The following AURKC variants were observed in gnomAD, a reference collection of about 807,000 sequenced individuals.
The protein encoded by AURKC is aurora kinase C, also known as ARK-3.
Under a neutral mutation model 29.2 loss-of-function variants are expected in AURKC, and 15 were observed. The observed-to-expected ratio is 0.51, with a 90% confidence interval of 0.34 to 0.79. The LOEUF is 0.79. Among genes scored for constraint, AURKC ranks in the 30% least tolerant of loss-of-function variants. The probability of loss-of-function intolerance (pLI) is 0.01; values close to 1 mark genes in which losing one functional copy is unlikely to be tolerated. For missense variants in AURKC, 332 were observed against 383.2 expected (o/e 0.87, Z 1.12); for synonymous variants, 150 against 149.9 (o/e 1.00, Z -0.01).
At position 57,232,399 on chromosome 19, in the gene AURKC, G is replaced by C; in HGVS notation, c.297-143G>C. ...ACTCGAATCCTGGTTCCTGTTCTCC[G>C]TTCTCCCCTCACTTGCTCCCAGATA... On this transcript the variant is annotated intron_variant, in intron 3 of 6. Transcript: ENST00000302804. The surrounding 1 kb of genome is among the most constrained non-coding windows in gnomAD (Gnocchi z 4.5). 1 of 1,455,190 alleles carries C rather than the reference G, an allele frequency of 6.9e-7. No homozygotes were observed. Among genetic ancestry groups the C allele is most frequent in the Non-Finnish European group, 9.5e-7 (1 of 1,048,064 alleles). The allele number at this position is 1,455,190 out of a possible 1,614,324, so 90.1% of individuals were successfully genotyped here.
intron 2 of AURKC, 118 bp from the exon 3 acceptor site, chr19:57,231,915 A>T (rs1377294249): frequency 6.2e-7 from 1 of 1,604,792 alleles, no homozygotes; most frequent in Non-Finnish European, 8.5e-7. Flanking sequence ...TCTGTGTGAG[A>T]AGGGAAAGCG....
At chr19:57,231,971 C>T in intron 2 of AURKC, 62 bp from the exon 3 acceptor site, 1 of 1,610,422 alleles carries the variant, frequency 6.2e-7, no homozygotes, top group Non-Finnish European at 8.5e-7. Flanking sequence ...ATTGGCATCC[C>T]TGACTTTCCC....
In AURKC at chr19:57,231,169, C is replaced by T; in HGVS notation, c.-80C>T. 1 of 1,550,976 alleles carries T rather than the reference C, an allele frequency of 6.4e-7. No individual in the cohort carries two copies. Among genetic ancestry groups the T allele is most frequent in the Non-Finnish European group, 8.7e-7 (1 of 1,146,528 alleles). On this transcript the variant is annotated 5_prime_UTR_variant, in exon 1 of 7. Coordinates refer to ENST00000302804, the MANE Select transcript of AURKC (RefSeq NM_001015878.2). ...GCGCCCCGGCCAGAAAGTGACCCCC[C>T]ACCCCTTTCAGGACCCTGTGAACGG...
chr19:57,232,194 G>C lies in AURKC; in HGVS notation c.266G>C (p.Arg89Pro). 1.2e-6 allele frequency: 2 copies of C among 1,613,998 alleles called. No homozygotes were observed. Among genetic ancestry groups the C allele is most frequent in the Non-Finnish European group, 1.7e-6 (2 of 1,180,026 alleles). The change falls in exon 3 of 7, where the codon CGC (arginine) becomes CCC (proline). Residue 89 changes from arginine (R) to proline (P), a missense_variant. Coordinates refer to ENST00000302804, the MANE Select transcript of AURKC (RefSeq NM_001015878.2). This position sits in a 1 kb window ranked among gnomAD's most constrained non-coding sequence, Gnocchi z 4.5. ...IEKEGLEHQL[R>P]REIEIQAHLQ... Reference sequence around the variant, plus strand: ...AAGGAAGGACTGGAGCACCAGCTGCGCCGGGAAATTGAGATCCAGGCTCAT... The same window carrying C: ...AAGGAAGGACTGGAGCACCAGCTGCCCCGGGAAATTGAGATCCAGGCTCAT...
chr19:57,231,286 C>G lies in AURKC; in HGVS notation c.38C>G (p.Ala13Gly). The change falls in exon 1 of 7, where the codon GCT (alanine) becomes GGT (glycine). Residue 13 changes from alanine to glycine, a missense_variant. Coordinates refer to ENST00000302804, the MANE Select transcript of AURKC (RefSeq NM_001015878.2). ...AGAGCTGTGGTGCAGCTGGGCAAAG[C>G]TCAACCTGCAGGCGAAGAGTGTGAG... ...SPRAVVQLGKAQPAGEELATA... is the reference protein window; with the variant it reads ...SPRAVVQLGKGQPAGEELATA... 2 of 1,553,028 alleles carry G rather than the reference C, an allele frequency of 1.3e-6. No individual in the cohort carries two copies. The highest frequency in any genetic ancestry group is 1.7e-6 in the Non-Finnish European group (2 of 1,147,722).
At chr19:57,231,490 C>T (rs2087489113) in intron 1 of AURKC, 184 bp downstream of exon 1, 1 of 774,296 alleles carries the variant, frequency 1.3e-6, no homozygotes, top group Non-Finnish European at 2.1e-6. Flanking sequence ...CTACTCTCTC[C>T]TCCCCTTCCT....
At chr19:57,233,634 G>A in intron 5 of AURKC, 26 bp downstream of exon 5, 4 of 1,613,026 alleles carry the variant, frequency 2.5e-6, no homozygotes, top group East Asian at 2.2e-5. Context: ...GTGGTAGGGT[G>A]AGTTCTGAGT....
At position 57,234,880 on chromosome 19, in the gene AURKC, C is replaced by G; in HGVS notation, c.585-4C>G. The stretch of plus-strand genomic sequence containing the variant: ...TACTTATTCCCTTTTCTGCCTTCCT[C>G]TAGGAGGAAGACAATGTGTGGGACA... On this transcript the variant is annotated splice_polypyrimidine_tract_variant and splice_region_variant and intron_variant, in intron 5 of 6. Coordinates refer to ENST00000302804, the MANE Select transcript of AURKC (RefSeq NM_001015878.2). The G allele has an allele frequency of 6.2e-7, 1 of 1,614,162 alleles. No homozygotes were observed. Among genetic ancestry groups the G allele is most frequent in the Non-Finnish European group, 8.5e-7 (1 of 1,180,038 alleles).
At position 57,232,295 on chromosome 19, in the gene AURKC, CAAGTA is replaced by C; in HGVS notation, c.296+74_296+78del. 1 of 1,566,790 alleles carries C rather than the reference CAAGTA, an allele frequency of 6.4e-7. No homozygotes were observed. Among genetic ancestry groups the C allele is most frequent in the Non-Finnish European group, 8.7e-7 (1 of 1,149,818 alleles). ...CAGCATTTTCCCCAAATACTAACCCCAAGTAAACCCTGCACTTGTACCTTGAAGAC... is the reference window on the plus strand; with the variant it reads ...CAGCATTTTCCCCAAATACTAACCCCAACCCTGCACTTGTACCTTGAAGAC... On this transcript the variant is annotated intron_variant, in intron 3 of 6. Transcript: ENST00000302804. The surrounding 1 kb of genome is among the most constrained non-coding windows in gnomAD (Gnocchi z 4.5).
In AURKC at chr19:57,231,729, T is replaced by C. The variant is rs1375274737; in HGVS notation, c.59-13T>C. On this transcript the variant is annotated splice_polypyrimidine_tract_variant and intron_variant, in intron 1 of 6. Coordinates refer to ENST00000302804, the MANE Select transcript of AURKC (RefSeq NM_001015878.2). ...CTCTCCCTTCCTATCTCCCTCCTCC[T>C]CCTCTCTTTCAGTGGCTACAGCAAA... 1 of 1,612,784 alleles carries C rather than the reference T, an allele frequency of 6.2e-7. No individual in the cohort carries two copies. The highest frequency in any genetic ancestry group is 8.5e-7 in the Non-Finnish European group (1 of 1,179,620).
Position 57,232,253 on chromosome 19 carries a change from T to C in AURKC, c.296+29T>C. ...AGGACAGTCTCTGCTTCCTCTTTCA[T>C]CTTTGACGTCTGAGCCCAGCATTTT... On this transcript the variant is annotated intron_variant, in intron 3 of 6. Coordinates refer to ENST00000302804, the MANE Select transcript of AURKC (RefSeq NM_001015878.2). The surrounding 1 kb of genome is among the most constrained non-coding windows in gnomAD (Gnocchi z 4.5). 3.7e-6 allele frequency: 6 copies of C among 1,611,544 alleles called. No individual in the cohort carries two copies. The highest frequency in any genetic ancestry group is 4.2e-6 in the Non-Finnish European group (5 of 1,179,596).
At position 57,232,351 on chromosome 19, in the gene AURKC, C is replaced by G; in HGVS notation, c.296+127C>G. The G allele has an allele frequency of 2.2e-6, 3 of 1,394,544 alleles. No individual in the cohort carries two copies. The highest frequency in any genetic ancestry group is 2.4e-5 in the South Asian group (2 of 83,906). The allele number at this position is 1,394,544 out of a possible 1,614,324, so 86.4% of individuals were successfully genotyped here. The stretch of plus-strand genomic sequence containing the variant: ...TTCTCTGCAGTTCATTCCATTTACA[C>G]TACCTCCTACCCTGGGTCAGACACT... On this transcript the variant is annotated intron_variant, in intron 3 of 6. Transcript: ENST00000302804. This position sits in a 1 kb window ranked among gnomAD's most constrained non-coding sequence, Gnocchi z 4.5.
At position 57,232,848 on chromosome 19, in the gene AURKC, G is replaced by A. The variant is rs912086408; in HGVS notation, c.435+168G>A. Among the ~76,000 whole-genome samples the A allele has an allele frequency of 1.3e-5, 2 of 152,046 alleles. No homozygotes were observed. Among genetic ancestry groups the A allele is most frequent in the African/African-American group, 4.8e-5 (2 of 41,402 alleles). On this transcript the variant is annotated intron_variant, in intron 4 of 6. Coordinates refer to ENST00000302804, the MANE Select transcript of AURKC (RefSeq NM_001015878.2). This position sits in a 1 kb window ranked among gnomAD's most constrained non-coding sequence, Gnocchi z 4.5. The stretch of plus-strand genomic sequence containing the variant: ...ACGTATGTTCTACAGCTTTATCCTT[G>A]GATACCCTAATTAACCTCATTGTAT...
chr19:57,235,355 C>T lies in AURKC; in HGVS notation c.868C>T (p.His290Tyr), dbSNP rs1186906245. 6.2e-7 allele frequency: 1 copy of T among 1,614,148 alleles called. No individual in the cohort carries two copies. Among genetic ancestry groups the T allele is most frequent in the South Asian group, 1.1e-5 (1 of 91,076 alleles). The stretch of plus-strand genomic sequence containing the variant: ...ACTGCCCCTGGCCCAGATCCTGAAG[C>T]ACCCCTGGGTTCAGGCCCACTCCCG... ...ERLPLAQILK[H>Y]PWVQAHSRRV... The change falls in exon 7 of 7, where the codon CAC becomes TAC. Residue 290 changes from histidine to tyrosine, a missense_variant. By Grantham distance (83) the His-to-Tyr change is moderately conservative. Transcript: ENST00000302804.
chr19:57,233,323 G>C, intron 4 of AURKC, 137 bp from the exon 5 acceptor site: 1 of 1,259,492 alleles, frequency 7.9e-7, no homozygotes. Flanking sequence ...AGTAACTGGT[G>C]CAATTTAAAA....
Position 57,231,255 on chromosome 19 carries a change from T to G in AURKC, c.7T>G (p.Ser3Ala). The G allele has an allele frequency of 6.4e-7, 1 of 1,551,492 alleles. No individual in the cohort carries two copies. The highest frequency in any genetic ancestry group is 8.7e-7 in the Non-Finnish European group (1 of 1,147,036). The part of the protein sequence containing the change: MS[S>A]PRAVVQLGKA... ...GCCCTCACCTCTTCTCCCCATGAGCTCCCCCAGAGCTGTGGTGCAGCTGGG... is the reference window on the plus strand; with the variant it reads ...GCCCTCACCTCTTCTCCCCATGAGCGCCCCCAGAGCTGTGGTGCAGCTGGG... Residue 3 changes from serine to alanine, a missense_variant, in exon 1 of 7, where the codon TCC (serine) becomes GCC (alanine). Coordinates refer to ENST00000302804, the MANE Select transcript of AURKC (RefSeq NM_001015878.2).
chr19:57,231,965 G>C, intron 2 of AURKC, 68 bp from the exon 3 acceptor site: 2 of 1,606,542 alleles, frequency 1.2e-6, no homozygotes, highest in Non-Finnish European at 1.7e-6. Flanking sequence ...GGGAGCATTG[G>C]CATCCCTGAC....
rs2087532897 is a variant in AURKC, at chr19:57,235,052, C to G, written c.753C>G (p.Ile251Met). The change falls in exon 6 of 7, where the codon ATC becomes ATG. Residue 251 changes from isoleucine (I) to methionine (M), a missense_variant. By Grantham distance (10) the Ile-to-Met change is conservative. Coordinates refer to ENST00000302804, the MANE Select transcript of AURKC (RefSeq NM_001015878.2). ...CCCACAGTGAGACTTACAGACGCAT[C>G]CTCAAGGTGGGACAGTCACCTTTGG... ...SASHSETYRR[I>M]LKVDVRFPLS... 1 of 1,613,986 alleles carries G rather than the reference C, an allele frequency of 6.2e-7. No homozygotes were observed. The highest frequency in any genetic ancestry group is 8.5e-7 in the Non-Finnish European group (1 of 1,180,042).
At chr19:57,234,791 G>A in intron 5 of AURKC, 93 bp from the exon 6 acceptor site, 1 of 1,498,772 alleles carries the variant, frequency 6.7e-7, no homozygotes, top group Non-Finnish European at 9.2e-7. Flanking sequence ...GGGTGTCCTA[G>A]GGTCTCCACA....
Sources: allele counts gnomAD v4.1 joint callset (sites outside exome capture counted in the v4.1 genomes callset), GRCh38; gene constraint gnomAD v4.1.1; non-coding constraint Gnocchi (gnomAD v3.1); transcripts MANE v1.5; gene names NCBI Gene and HGNC (gene_info 2026-07-23, HGNC 2026-07-21).